The following RBM19 variants were observed in gnomAD, a reference collection of about 807,000 sequenced individuals.
The protein encoded by RBM19 is probable RNA-binding protein 19.
Under a neutral mutation model 116.8 loss-of-function variants are expected in RBM19, and 94 were observed. The observed-to-expected ratio is 0.80, with a 90% confidence interval of 0.68 to 0.95. The LOEUF (loss-of-function observed/expected upper bound fraction) is 0.95, where lower values mean the gene tolerates loss of function less well. RBM19 is among the 40% of genes least tolerant of loss of function. The probability of loss-of-function intolerance (pLI) is 0.00; values close to 1 mark genes in which losing one functional copy is unlikely to be tolerated. For missense variants in RBM19, 1,161 were observed against 1,220.7 expected (o/e 0.95, Z 0.73); for synonymous variants, 475 against 494.1 (o/e 0.96, Z 0.51).
At chr12:113,899,507 C>T (rs186540281) in intron 21 of RBM19, among the ~76,000 whole-genome samples, 3 of 152,328 alleles carry the variant, frequency 2.0e-5, no homozygotes, top group African/African-American at 7.2e-5. Context: ...AAACAGCATG[C>T]ACAATCCGGG....
downstream of RBM19, among the ~76,000 whole-genome samples, chr12:113,818,952 G>T (rs956707449): frequency 6.6e-6 from 1 of 152,204 alleles, no homozygotes; most frequent in East Asian, 1.9e-4. Flanking sequence ...TCCAGGGGTG[G>T]ACCCTTGGTG....
At chr12:113,872,568 G>GA in intron 21 of RBM19, among the ~76,000 whole-genome samples, 1 of 109,438 alleles carries the variant, frequency 9.1e-6, no homozygotes, top group Non-Finnish European at 2.1e-5. Flanking sequence ...CGGGAGGGAG[G>GA]TGGGGGGGGG....
In RBM19 at chr12:113,915,080, G is replaced by A; in HGVS notation, c.2447C>T (p.Ala816Val). ...TTGTTTCTTCCGAGCCAATGTCACG[G>A]CTGGCCTGGAGTGGTGGGGGGAGAG... ...VRISERATKP[A>V]VTLARKKQVP... Residue 816 changes from alanine to valine, a missense_variant, in exon 21 of 24, where the codon GCC becomes GTC. By Grantham distance (64) the Ala-to-Val change is moderately conservative. Coordinates refer to ENST00000261741, the MANE Select transcript of RBM19 (RefSeq NM_016196.4). The A allele has an allele frequency of 1.2e-6, 2 of 1,614,020 alleles. No homozygotes were observed. The highest frequency in any genetic ancestry group is 1.7e-6 in the Non-Finnish European group (2 of 1,179,880).
chr12:113,923,240 G>T (rs2135870403), intron 18 of RBM19, among the ~76,000 whole-genome samples: 2 of 152,284 alleles, frequency 1.3e-5, no homozygotes, highest in Middle Eastern at 6.8e-3. Flanking sequence ...TTGAACATGG[G>T]ATGGGCATAT....
chr12:113,959,142 C>T, intron 5 of RBM19, 70 bp downstream of exon 5: 1 of 1,537,412 alleles, frequency 6.5e-7, no homozygotes, highest in Middle Eastern at 2.4e-4. Context: ...CAGAGGGGCC[C>T]CCAGTGCCGG....
At chr12:113,947,753 G>A (rs118063706) in intron 10 of RBM19, among the ~76,000 whole-genome samples, 4 of 152,328 alleles carry the variant, frequency 2.6e-5, no homozygotes, top group East Asian at 3.9e-4. Context: ...GCGTTCATGC[G>A]TGCATAGTGC....
intron 14 of RBM19, among the ~76,000 whole-genome samples, chr12:113,941,710 C>A (rs1050085078): frequency 3.3e-5 from 5 of 152,152 alleles, no homozygotes; most frequent in Non-Finnish European, 7.3e-5. Context: ...ATTCATCCAT[C>A]CTCCTCATCC....
At chr12:113,899,629 C>T (rs1304210054) in intron 21 of RBM19, among the ~76,000 whole-genome samples, 1 of 152,212 alleles carries the variant, frequency 6.6e-6, no homozygotes, top group South Asian at 2.1e-4. Context: ...TAGCACCTGG[C>T]GCAGTCCCTG....
At chr12:113,920,091 C>T (rs1868397260) in intron 19 of RBM19, among the ~76,000 whole-genome samples, 1 of 152,182 alleles carries the variant, frequency 6.6e-6, no homozygotes, top group Non-Finnish European at 1.5e-5. Context: ...ATGGCCCCTG[C>T]CTCAGACCCT....
At chr12:113,863,253 T>C (rs947133464) in intron 21 of RBM19, among the ~76,000 whole-genome samples, 7 of 147,338 alleles carry the variant, frequency 4.8e-5, no homozygotes, top group Non-Finnish European at 9.1e-5. Flanking sequence ...AGCGTATGGG[T>C]GGGTGGGGAT....
intron 21 of RBM19, among the ~76,000 whole-genome samples, chr12:113,887,799 C>T (rs1358181637): frequency 1.3e-5 from 2 of 151,906 alleles, no homozygotes; most frequent in African/African-American, 4.8e-5. Context: ...CAGCTCACTG[C>T]AACCTCTACC....
rs141667855 is a variant in RBM19 at position 113,825,968 on chromosome 12, C to G, written c.2786-2647G>C. Among the ~76,000 whole-genome samples, 144 of 152,308 alleles carry G rather than the reference C, an allele frequency of 9.5e-4. No homozygotes were observed. Among genetic ancestry groups the G allele is most frequent in the African/African-American group, 2.2e-3 (90 of 41,584 alleles). The stretch of plus-strand genomic sequence containing the variant: ...AAGCTAAAGCTGTCACGTCGGCTGC[C>G]AGGGCTACTGAGCAGGCCCTGCCAC... On this transcript the variant is annotated intron_variant, in intron 23 of 23. Transcript: ENST00000261741. The surrounding 1 kb of genome is among the most constrained non-coding windows in gnomAD (Gnocchi z 5.7).
At position 113,959,225 on chromosome 12, in the gene RBM19, C is replaced by T; in HGVS notation, c.558G>A (p.Gly186=). 6.2e-7 allele frequency: 1 copy of T among 1,611,364 alleles called. No homozygotes were observed. The highest frequency in any genetic ancestry group is 2.2e-5 in the East Asian group (1 of 44,838). The part of the protein sequence containing the change: ...SGQESEEEGA[G]EDLEEEASLE... ...CCATGCCCTCACCTTCCAGGTCCTC[C>T]CCGGCTCCCTCCTCCTCACTCTCCT... is the stretch of plus-strand genomic sequence containing the variant. The change falls in exon 5 of 24, where the codon GGG becomes GGA. Residue 186 remains glycine, a synonymous_variant. Coordinates refer to ENST00000261741, the MANE Select transcript of RBM19 (RefSeq NM_016196.4).
At position 113,946,910 on chromosome 12, in the gene RBM19, G is replaced by C. The variant is rs151090186; in HGVS notation, c.1407+424C>G. The stretch of plus-strand genomic sequence containing the variant: ...GTGATGATGAGGCAGCCTGGGGCTT[G>C]AGGATGTATGCTAAGTATATTACTT... On this transcript the variant is annotated intron_variant, in intron 11 of 23. Coordinates refer to ENST00000261741, the MANE Select transcript of RBM19 (RefSeq NM_016196.4). Among the ~76,000 whole-genome samples, 60 of 152,364 alleles carry C rather than the reference G, an allele frequency of 3.9e-4. 1 individual carries two copies. The East Asian group carries it at 7.3e-3, about 19-fold the overall frequency.
At chr12:113,921,963 G>A (rs1051574345) in intron 18 of RBM19, among the ~76,000 whole-genome samples, 1 of 152,186 alleles carries the variant, frequency 6.6e-6, no homozygotes, top group Non-Finnish European at 1.5e-5. Flanking sequence ...GCCAGCAAGA[G>A]GCTCTGATCT....
intron 18 of RBM19, among the ~76,000 whole-genome samples, chr12:113,921,953 G>T (rs1210484993): frequency 1.3e-5 from 2 of 152,210 alleles, no homozygotes; most frequent in African/African-American, 4.8e-5. Flanking sequence ...GTTGGGATCA[G>T]CCAGCAAGAG....
intron 21 of RBM19, among the ~76,000 whole-genome samples, chr12:113,865,076 T>C (rs1227407648): frequency 6.6e-6 from 1 of 152,224 alleles, no homozygotes; most frequent in Non-Finnish European, 1.5e-5. Context: ...GAATAATTTC[T>C]GAGCTCCTTA....
At chr12:113,888,181 G>A (rs1443982479) in intron 21 of RBM19, among the ~76,000 whole-genome samples, 2 of 152,098 alleles carry the variant, frequency 1.3e-5, no homozygotes, top group African/African-American at 4.8e-5. Context: ...TCTGAGTCAG[G>A]GGCCTCTGCC....
intron 15 of RBM19, among the ~76,000 whole-genome samples, chr12:113,939,142 C>CA (rs760815066): frequency 2.0e-5 from 3 of 151,826 alleles, no homozygotes; most frequent in South Asian, 2.1e-4. Flanking sequence ...TTTGTCTCTA[C>CA]AAAAAATCAA....
Sources: gnomAD v4.1 joint callset for allele counts (sites outside exome capture counted in the v4.1 genomes callset) on GRCh38, gnomAD v4.1.1 for gene constraint, Gnocchi (gnomAD v3.1) non-coding constraint, MANE v1.5 for transcripts, NCBI Gene and HGNC (gene_info 2026-07-23, HGNC 2026-07-21) for gene names.